PLGRKT: variants seen among roughly 807,000 people sequenced by gnomAD.
The protein encoded by PLGRKT is plasminogen receptor with a C-terminal lysine.
PLGRKT carries 22 observed loss-of-function variants against 18.5 expected under a neutral mutation model. The observed-to-expected ratio is 1.19, with a 90% CI of 0.85 to 1.70. PLGRKT has a LOEUF of 1.70. Ranked by LOEUF, PLGRKT falls within the 40% of genes most tolerant of loss-of-function variation. PLGRKT has a pLI of 0.00. For synonymous variants in PLGRKT, 72 were observed against 52.8 expected (o/e 1.36, Z -1.58); for missense variants, 235 against 174.4 (o/e 1.35, Z -1.96).
At chr9:5,426,752 A>G (rs996270008) in intron 3 of PLGRKT, among the ~76,000 whole-genome samples, 1 of 152,180 alleles carries the variant, frequency 6.6e-6, no homozygotes, top group Non-Finnish European at 1.5e-5. Context: ...TGTTTGCAGT[A>G]AGCAACCCTG....
At chr9:5,373,572 G>T (rs1232843121) in intron 3 of PLGRKT, among the ~76,000 whole-genome samples, 1 of 152,142 alleles carries the variant, frequency 6.6e-6, no homozygotes, top group East Asian at 1.9e-4. Context: ...GGCTGAGGCA[G>T]GAGGATCGCT....
At chr9:5,386,062 A>G (rs1175513603) in intron 3 of PLGRKT, among the ~76,000 whole-genome samples, 2 of 151,672 alleles carry the variant, frequency 1.3e-5, no homozygotes, top group Non-Finnish European at 2.9e-5. Context: ...CTTCTGTGGG[A>G]CCTGAGGACA....
rs368859851 is a variant in PLGRKT at position 5,358,285 on chromosome 9, A to G, written c.398T>C (p.Ile133Thr). Residue 133 changes from isoleucine (I) to threonine (T), a missense_variant, in exon 6 of 6, where the codon ATT becomes ACT. Ile to Thr is a moderately conservative substitution (Grantham distance 89). Transcript: ENST00000223864. ...ACTCTGTTCCTTTCTGGCTTTTTCA[A>G]TGCTTTCAAAAGTGATCATTCCTCT... ...LPRGMITFES[I>T]EKARKEQSRF... 61 of 1,609,932 alleles carry G rather than the reference A, an allele frequency of 3.8e-5. No homozygotes were observed. Among genetic ancestry groups the G allele is most frequent in the South Asian group, 7.7e-5 (7 of 90,988 alleles).
chr9:5,394,474 G>A (rs375270229), intron 3 of PLGRKT, among the ~76,000 whole-genome samples: 15 of 151,844 alleles, frequency 9.9e-5, no homozygotes, highest in Admixed American at 6.6e-4. Flanking sequence ...GTGCAATGGC[G>A]CAATCTCAGC....
chr9:5,434,441 C>A (rs1487204025), intron 2 of PLGRKT, among the ~76,000 whole-genome samples: 1 of 144,358 alleles, frequency 6.9e-6, no homozygotes, highest in Admixed American at 6.8e-5. Context: ...CACCTCTGCC[C>A]GGCCGCCGCC....
At chr9:5,408,118 C>T (rs1818290498) in intron 3 of PLGRKT, among the ~76,000 whole-genome samples, 1 of 152,182 alleles carries the variant, frequency 6.6e-6, no homozygotes, top group African/African-American at 2.4e-5. Context: ...TTATATTTTG[C>T]TATAAAATCA....
Position 5,397,386 on chromosome 9 carries a change from G to A in PLGRKT, c.81+34511C>T, listed in dbSNP as rs987224771. Among the ~76,000 whole-genome samples, 9 of 151,844 alleles carry A rather than the reference G, an allele frequency of 5.9e-5. 1 individual carries two copies. The highest frequency in any genetic ancestry group is 2.2e-4 in the African/African-American group (9 of 41,150). On this transcript the variant is annotated intron_variant, in intron 3 of 5. Transcript: ENST00000223864. ...TAGTGTTCATCATAGCACTTAGCTC[G>A]ATTTACACTTTGTATTTCTTTAAAT...
chr9:5,390,933 A>C (rs1295355406), intron 3 of PLGRKT, among the ~76,000 whole-genome samples: 1 of 151,938 alleles, frequency 6.6e-6, no homozygotes, highest in African/African-American at 2.4e-5. Flanking sequence ...AGAAAATTAT[A>C]ATAAGGGGGA....
Position 5,419,353 on chromosome 9 carries a change from T to C in PLGRKT, c.81+12544A>G, listed in dbSNP as rs370953315. ...GATGACATCAAGTGGAAATGGTACG[T>C]GTTTGGGAGGCAAGAGCCAGGAAGC... On this transcript the variant is annotated intron_variant, in intron 3 of 5. Coordinates refer to ENST00000223864, the MANE Select transcript of PLGRKT (RefSeq NM_018465.4). 1.3e-3 allele frequency among the ~76,000 whole-genome samples: 199 copies of C among 152,312 alleles called. 1 individual carries two copies. Among genetic ancestry groups the C allele is most frequent in the Middle Eastern group, 6.8e-3 (2 of 294 alleles).
intron 3 of PLGRKT, among the ~76,000 whole-genome samples, chr9:5,368,288 T>C (rs1451932096): frequency 6.6e-6 from 1 of 152,216 alleles, no homozygotes; most frequent in Non-Finnish European, 1.5e-5. Flanking sequence ...ACTCATATTT[T>C]CATCGCAGCA....
At chr9:5,381,950 C>G in intron 3 of PLGRKT, 1 of 984,894 alleles carries the variant, frequency 1.0e-6, no homozygotes, top group Non-Finnish European at 1.2e-6. Flanking sequence ...GCCTCCATGC[C>G]TGAGCCAGCT....
intron 3 of PLGRKT, among the ~76,000 whole-genome samples, chr9:5,376,019 T>TA (rs1464626522): frequency 6.6e-6 from 1 of 152,122 alleles, no homozygotes; most frequent in Non-Finnish European, 1.5e-5. Flanking sequence ...TATTCAGCCA[T>TA]AAAAAGGAAG....
intron 3 of PLGRKT, among the ~76,000 whole-genome samples, chr9:5,427,840 A>G (rs1818732903): frequency 6.6e-6 from 1 of 152,208 alleles, no homozygotes; most frequent in Non-Finnish European, 1.5e-5. Context: ...ACAGGACGTG[A>G]GAAGATTCCC....
chr9:5,363,068 T>C (rs1555475), intron 3 of PLGRKT, among the ~76,000 whole-genome samples: 112,002 of 151,552 alleles, frequency 0.74, 41,829 homozygotes, highest in African/African-American at 0.84. Context: ...AGAAGGTAAC[T>C]GCGGATTGAG....
chr9:5,433,802 C>CCT (rs1260695198), intron 2 of PLGRKT, among the ~76,000 whole-genome samples: 2 of 136,352 alleles, frequency 1.5e-5, no homozygotes, highest in Non-Finnish European at 1.6e-5. Context: ...CTGGCTGCCC[C>CCT]GTCTGGGAAG....
chr9:5,376,455 C>G (rs972571897), intron 3 of PLGRKT, among the ~76,000 whole-genome samples: 1 of 152,120 alleles, frequency 6.6e-6, no homozygotes, highest in Non-Finnish European at 1.5e-5. Flanking sequence ...TACTAACTAC[C>G]TCTGAGGTTG....
At chr9:5,396,596 C>G (rs149850128) in intron 3 of PLGRKT, among the ~76,000 whole-genome samples, 2 of 152,030 alleles carry the variant, frequency 1.3e-5, no homozygotes, top group East Asian at 1.9e-4. Context: ...CATCCGGCCA[C>G]AACAAAATAA....
chr9:5,411,465 T>C (rs1818365526), intron 3 of PLGRKT, among the ~76,000 whole-genome samples: 1 of 151,580 alleles, frequency 6.6e-6, no homozygotes, highest in African/African-American at 2.4e-5. Context: ...AATTCTTGGG[T>C]ATCCTTCTCC....
intron 3 of PLGRKT, among the ~76,000 whole-genome samples, chr9:5,422,819 C>G (rs1055500780): frequency 6.6e-6 from 1 of 151,930 alleles, no homozygotes; most frequent in African/African-American, 2.4e-5. Context: ...AAAAGACTAC[C>G]AAAATATTGG....
Sources: allele counts gnomAD v4.1 joint callset (sites outside exome capture counted in the v4.1 genomes callset), GRCh38; gene constraint gnomAD v4.1.1; transcripts MANE v1.5; gene names NCBI Gene and HGNC (gene_info 2026-07-23, HGNC 2026-07-21).